The following TUBB2A variants were observed in gnomAD, a reference collection of about 807,000 sequenced individuals.
TUBB2A encodes the protein tubulin beta 2A class IIa.
In TUBB2A, 7 loss-of-function variants were observed where a neutral mutation model predicts 33.9. That is an observed-to-expected ratio of 0.21 (90% CI 0.12 to 0.39). The LOEUF (loss-of-function observed/expected upper bound fraction) is 0.39. TUBB2A is among the 10% of genes least tolerant of loss of function. TUBB2A has a pLI of 1.00. For missense variants in TUBB2A, 80 were observed against 593.4 expected (o/e 0.13, Z 8.99); for synonymous variants, 187 against 247.6 (o/e 0.76, Z 2.30).
Position 3,157,412 on chromosome 6 carries a change from C to A in TUBB2A, c.52G>T (p.Ala18Ser). 1 of 1,540,296 alleles carries A rather than the reference C, an allele frequency of 6.5e-7. No homozygotes were observed. The highest frequency in any genetic ancestry group is 8.7e-7 in the Non-Finnish European group (1 of 1,149,640). Residue 18 changes from alanine (A) to serine (S), a missense_variant, in exon 1 of 4, where the codon GCC becomes TCC. By Grantham distance (99) the Ala-to-Ser change is moderately conservative (BLOSUM62 1). This residue lies in a region of TUBB2A where 13 missense variants were observed against 26.6 expected (regional missense o/e 0.49). Coordinates refer to ENST00000333628, the MANE Select transcript of TUBB2A (RefSeq NM_001069.3). ...CTCCGTGGCGGTGAGCCCACCTTGG[C>A]GCCGATCTGGTTGCCGCACTGGCCC... ...QAGQCGNQIG[A>S]KFWEVISDEH...
chr6:3,157,396 G>C lies in TUBB2A; in HGVS notation c.57+11C>G. The C allele has an allele frequency of 6.5e-7, 1 of 1,526,812 alleles. No homozygotes were observed. Among genetic ancestry groups the C allele is most frequent in the South Asian group, 1.2e-5 (1 of 83,476 alleles). 94.6% of individuals were successfully genotyped at this position (1,526,812 alleles called of 1,614,324 possible). ...TCCCAACCCCGGGCCCCTCCGTGGC[G>C]GTGAGCCCACCTTGGCGCCGATCTG... On this transcript the variant is annotated intron_variant, in intron 1 of 3. Coordinates refer to ENST00000333628, the MANE Select transcript of TUBB2A (RefSeq NM_001069.3).
In TUBB2A at chr6:3,155,761, G is replaced by T; in HGVS notation, c.167-26C>A. The T allele has an allele frequency of 6.3e-7, 1 of 1,581,804 alleles. No individual in the cohort carries two copies. Among genetic ancestry groups the T allele is most frequent in the South Asian group, 1.1e-5 (1 of 90,108 alleles). On this transcript the variant is annotated intron_variant, in intron 2 of 3. Transcript: ENST00000333628. The surrounding 1 kb of genome is among the most constrained non-coding windows in gnomAD (Gnocchi z 4.2). ...CTGCAGGAAATAAGAACTGACTCAGGCCTGTGCTTGGGGAGGGACTCACAG... is the reference window on the plus strand; with the variant it reads ...CTGCAGGAAATAAGAACTGACTCAGTCCTGTGCTTGGGGAGGGACTCACAG...
In TUBB2A at chr6:3,156,035, G is replaced by T. The variant is rs557769147; in HGVS notation, c.166+9C>A. The stretch of plus-strand genomic sequence containing the variant: ...AAGGATTCCTGGGCACACACATCCC[G>T]CTACTCACCAGCAGCCTCATTGTAG... On this transcript the variant is annotated intron_variant, in intron 2 of 3. Coordinates refer to ENST00000333628, the MANE Select transcript of TUBB2A (RefSeq NM_001069.3). 3 of 1,576,916 alleles carry T rather than the reference G, an allele frequency of 1.9e-6. No individual in the cohort carries two copies. The Admixed American group carries it at 5.3e-5, about 28-fold the overall frequency.
At chr6:3,157,345 G>A in intron 1 of TUBB2A, 62 bp downstream of exon 1, 4 of 1,357,344 alleles carry the variant, frequency 2.9e-6, no homozygotes, top group Non-Finnish European at 2.8e-6. Flanking sequence ...TCCAGCCCCC[G>A]CCCCGGCCCC....
At position 3,155,364 on chromosome 6, in the gene TUBB2A, G is replaced by T. The variant is rs9503414; in HGVS notation, c.277+261C>A. On this transcript the variant is annotated intron_variant, in intron 3 of 3. Coordinates refer to ENST00000333628, the MANE Select transcript of TUBB2A (RefSeq NM_001069.3). The surrounding 1 kb of genome is among the most constrained non-coding windows in gnomAD (Gnocchi z 4.2). ...TTTCAAGTTGCCTATAGCCTATGAA[G>T]CCTGGCTTGAAGCTTTTCCTTGCTC... Among the ~76,000 whole-genome samples the T allele has an allele frequency of 6.6e-6, 1 of 152,168 alleles. No homozygotes were observed. The highest frequency in any genetic ancestry group is 1.5e-5 in the Non-Finnish European group (1 of 68,028).
At position 3,153,829 on chromosome 6, in the gene TUBB2A, T is replaced by G; in HGVS notation, c.*34A>C. ...AGACCATGCTTGAGGACAACAGAAG[T>G]TCACTAAGGATGCACGATTGATCTG... On this transcript the variant is annotated 3_prime_UTR_variant, in exon 4 of 4. Transcript: ENST00000333628. 6.2e-7 allele frequency: 1 copy of G among 1,611,904 alleles called. No homozygotes were observed. The highest frequency in any genetic ancestry group is 8.5e-7 in the Non-Finnish European group (1 of 1,178,116).
In TUBB2A at chr6:3,157,396, G is replaced by A. The variant is rs768113077; in HGVS notation, c.57+11C>T. ...TCCCAACCCCGGGCCCCTCCGTGGCGGTGAGCCCACCTTGGCGCCGATCTG... is the reference window on the plus strand; with the variant it reads ...TCCCAACCCCGGGCCCCTCCGTGGCAGTGAGCCCACCTTGGCGCCGATCTG... On this transcript the variant is annotated intron_variant, in intron 1 of 3. Coordinates refer to ENST00000333628, the MANE Select transcript of TUBB2A (RefSeq NM_001069.3). The A allele has an allele frequency of 7.2e-6, 11 of 1,526,704 alleles. No individual in the cohort carries two copies. In the Admixed American group the frequency reaches 2.2e-4, roughly 30 times the overall value. The allele number at this position is 1,526,704 out of a possible 1,614,324, so 94.6% of individuals were successfully genotyped here. A position where few individuals can be genotyped will look rare whatever the true frequency, so the allele number is the denominator to read the frequency against.
rs137952229 is a variant in TUBB2A, at chr6:3,154,817, G to A, written c.384C>T (p.Asp128=). 1 of 1,611,824 alleles carries A rather than the reference G, an allele frequency of 6.2e-7. No homozygotes were observed. Among genetic ancestry groups the A allele is most frequent in the Admixed American group, 1.7e-5 (1 of 59,946 alleles). ...GGGTCAGCTGGAAGCCCTGGAGACAGTCACAGCTCTCTGACTCCTTCCTCA... is the reference window on the plus strand; with the variant it reads ...GGGTCAGCTGGAAGCCCTGGAGACAATCACAGCTCTCTGACTCCTTCCTCA... ...DVVRKESESC[D]CLQGFQLTHS... The change falls in exon 4 of 4, where the codon GAC becomes GAT. Residue 128 remains aspartate, a synonymous_variant. Coordinates refer to ENST00000333628, the MANE Select transcript of TUBB2A (RefSeq NM_001069.3).
chr6:3,157,243 G>C (rs1227872844), intron 1 of TUBB2A, among the ~76,000 whole-genome samples, 164 bp downstream of exon 1: 39 of 152,150 alleles, frequency 2.6e-4, no homozygotes, highest in Admixed American at 2.6e-3. Context: ...GCGGCGCTGC[G>C]GGCATCCTGG....
intron 1 of TUBB2A, 151 bp downstream of exon 1, chr6:3,157,256 G>T: frequency 2.3e-6 from 2 of 881,946 alleles, no homozygotes; most frequent in Non-Finnish European, 2.9e-6. Flanking sequence ...CATCCTGGCG[G>T]GTCATGCAGC....
Position 3,153,767 on chromosome 6 carries a change from CAG to C in TUBB2A, c.*94_*95del, listed in dbSNP as rs1475003382. ...TTACATCAACAGTGTGAATTTCTAA[CAG>C]AGGCAAAACTGAGCACCATAGTTTA... On this transcript the variant is annotated 3_prime_UTR_variant, in exon 4 of 4. Coordinates refer to ENST00000333628, the MANE Select transcript of TUBB2A (RefSeq NM_001069.3). The C allele has an allele frequency of 2.2e-5, 34 of 1,559,658 alleles. No homozygotes were observed. The highest frequency in any genetic ancestry group is 2.8e-5 in the Non-Finnish European group (32 of 1,147,902).
In TUBB2A at chr6:3,153,854, GAGA is replaced by G. The variant is rs766895377; in HGVS notation, c.*6_*8del. On this transcript the variant is annotated 3_prime_UTR_variant, in exon 4 of 4. Coordinates refer to ENST00000333628, the MANE Select transcript of TUBB2A (RefSeq NM_001069.3). Reference sequence around the variant, plus strand: ...TTCACTAAGGATGCACGATTGATCTGAGAAGTTTTTAAGCCTCGTCCTCGCCCT... The same window carrying G: ...TTCACTAAGGATGCACGATTGATCTGAGTTTTTAAGCCTCGTCCTCGCCCT... The G allele has an allele frequency of 1.1e-5, 17 of 1,614,102 alleles. No individual in the cohort carries two copies. The highest frequency in any genetic ancestry group is 1.7e-4 in the Middle Eastern group (1 of 6,060).
At chr6:3,157,266 C>T in intron 1 of TUBB2A, 141 bp downstream of exon 1, 1 of 995,594 alleles carries the variant, frequency 1.0e-6, no homozygotes, top group Non-Finnish European at 1.3e-6. Context: ...GGTCATGCAG[C>T]CTCCCGGACC....
chr6:3,156,863 C>CT (rs1762643901), intron 1 of TUBB2A, among the ~76,000 whole-genome samples: 1 of 152,260 alleles, frequency 6.6e-6, no homozygotes, highest in East Asian at 1.9e-4. Flanking sequence ...TCCCACACAG[C>CT]GGTCGGTAAT....
Position 3,153,743 on chromosome 6 carries a change from T to C in TUBB2A, c.*120A>G. On this transcript the variant is annotated 3_prime_UTR_variant, in exon 4 of 4. Transcript: ENST00000333628. ...AATTTTTAGAGGAGTTCCACATCAT[T>C]ACATCAACAGTGTGAATTTCTAACA... 6.9e-7 allele frequency: 1 copy of C among 1,452,282 alleles called. No homozygotes were observed. Among genetic ancestry groups the C allele is most frequent in the Non-Finnish European group, 9.4e-7 (1 of 1,067,006 alleles). 90.0% of individuals were successfully genotyped at this position (1,452,282 alleles called of 1,614,324 possible).
At position 3,155,780 on chromosome 6, in the gene TUBB2A, C is replaced by T; in HGVS notation, c.167-45G>A. ...ACTCAGGCCTGTGCTTGGGGAGGGA[C>T]TCACAGCAGCATTCAATTCCAGCAT... On this transcript the variant is annotated intron_variant, in intron 2 of 3. Coordinates refer to ENST00000333628, the MANE Select transcript of TUBB2A (RefSeq NM_001069.3). The surrounding 1 kb of genome is among the most constrained non-coding windows in gnomAD (Gnocchi z 4.2). The T allele has an allele frequency of 1.3e-6, 2 of 1,500,062 alleles. No homozygotes were observed. Among genetic ancestry groups the T allele is most frequent in the Non-Finnish European group, 1.8e-6 (2 of 1,085,594 alleles). The allele number at this position is 1,500,062 out of a possible 1,614,324, so 92.9% of individuals were successfully genotyped here.
In TUBB2A at chr6:3,154,072, G is replaced by A. The variant is rs1241617736; in HGVS notation, c.1129C>T (p.Leu377=). The change falls in exon 4 of 4, where the codon CTG becomes TTG. Residue 377 remains leucine, a synonymous_variant. Transcript: ENST00000333628. ...FIGNSTAIQE[L]FKRISEQFTA... ...AACTGCTCGGAGATGCGCTTGAACA[G>A]CTCCTGGATGGCCGTGCTGTTGCCG... The A allele has an allele frequency of 1.3e-6, 2 of 1,511,934 alleles. No individual in the cohort carries two copies. Among genetic ancestry groups the A allele is most frequent in the Non-Finnish European group, 1.8e-6 (2 of 1,118,992 alleles). The allele number at this position is 1,511,934 out of a possible 1,614,324, so 93.7% of individuals were successfully genotyped here. A position where few individuals can be genotyped will look rare whatever the true frequency, so the allele number is the denominator to read the frequency against.
chr6:3,155,057 T>G lies in TUBB2A; in HGVS notation c.278-134A>C. The G allele has an allele frequency of 6.6e-7, 1 of 1,506,360 alleles. No individual in the cohort carries two copies. 93.3% of individuals were successfully genotyped at this position (1,506,360 alleles called of 1,614,324 possible). A position where few individuals can be genotyped will look rare whatever the true frequency, so the allele number is the denominator to read the frequency against. On this transcript the variant is annotated intron_variant, in intron 3 of 3. Transcript: ENST00000333628. The surrounding 1 kb of genome is among the most constrained non-coding windows in gnomAD (Gnocchi z 4.2). ...CTCTTTTGAATACTCTTCTTTTACC[T>G]GAAGAAATATTTTTCTATGTCAGTG...
At chr6:3,156,019 T>C in intron 2 of TUBB2A, 25 bp downstream of exon 2, 7 of 1,537,380 alleles carry the variant, frequency 4.6e-6, no homozygotes, top group Non-Finnish European at 6.2e-6. Flanking sequence ...CAAGGATTCC[T>C]GGGCACACAC....
Sources: allele counts gnomAD v4.1 joint callset (sites outside exome capture counted in the v4.1 genomes callset), GRCh38; gene constraint gnomAD v4.1.1; regional missense constraint gnomAD v4.1.1; non-coding constraint Gnocchi (gnomAD v3.1); transcripts MANE v1.5; gene names NCBI Gene and HGNC (gene_info 2026-07-23, HGNC 2026-07-21).